The following GIGYF2 variants were observed in gnomAD, a reference collection of about 807,000 sequenced individuals.
The protein encoded by GIGYF2 is GRB10-interacting GYF protein 2.
Under a neutral mutation model 208.1 loss-of-function variants are expected in GIGYF2, and 25 were observed. The observed-to-expected ratio is 0.12, with a 90% CI of 0.09 to 0.17. The LOEUF (loss-of-function observed/expected upper bound fraction) is 0.17. Ranked by LOEUF, GIGYF2 falls within the 10% of genes least tolerant of loss-of-function variation. GIGYF2 has a pLI of 1.00. For missense variants in GIGYF2, 1,302 were observed against 1,579.4 expected, an observed-to-expected ratio of 0.82 and a Z score of 2.98; for synonymous variants, 534 against 543.8, an observed-to-expected ratio of 0.98 and a Z score of 0.25.
chr2:232,815,581 T>TA, intron 18 of GIGYF2, 56 bp from the exon 19 acceptor site: 1 of 931,350 alleles, frequency 1.1e-6, no homozygotes, highest in Admixed American at 1.7e-5. Flanking sequence ...CCTACGGATA[T>TA]GTCACCATGT....
chr2:232,850,599 A>G (rs1039931704), intron 28 of GIGYF2, among the ~76,000 whole-genome samples, 190 bp downstream of exon 28: 2 of 152,236 alleles, frequency 1.3e-5, no homozygotes, highest in Non-Finnish European at 2.9e-5. Context: ...CCTGTGCCTC[A>G]TGTAATAACA....
chr2:232,804,411 A>T, intron 14 of GIGYF2, among the ~76,000 whole-genome samples: 1 of 149,580 alleles, frequency 6.7e-6, no homozygotes, highest in Non-Finnish European at 1.5e-5. Flanking sequence ...GTGATAGTAA[A>T]TGAGCTCATT....
chr2:232,725,552 A>G (rs903896885), intron 2 of GIGYF2, among the ~76,000 whole-genome samples: 4 of 152,246 alleles, frequency 2.6e-5, no homozygotes, highest in African/African-American at 7.2e-5. Context: ...AAGCGAATAC[A>G]TATGAAGCAC....
At chr2:232,746,305 A>G (rs1698149347) in intron 3 of GIGYF2, among the ~76,000 whole-genome samples, 1 of 152,074 alleles carries the variant, frequency 6.6e-6, no homozygotes. Context: ...ATGTGCACAT[A>G]TTTACTGTGT....
chr2:232,826,892 C>T (rs1057476299), intron 21 of GIGYF2, among the ~76,000 whole-genome samples: 4 of 152,192 alleles, frequency 2.6e-5, no homozygotes, highest in Non-Finnish European at 4.4e-5. Context: ...CTTCAGCAAC[C>T]ACCACCCTGA....
At chr2:232,742,932 C>T (rs1698024629) in intron 3 of GIGYF2, among the ~76,000 whole-genome samples, 1 of 152,104 alleles carries the variant, frequency 6.6e-6, no homozygotes, top group East Asian at 1.9e-4. Flanking sequence ...GAAAGCCTGA[C>T]TATAGGAGAG....
rs764947294 is a variant in GIGYF2 at position 232,806,693 on chromosome 2, G to A, written c.1806+36G>A. 2 of 1,423,352 alleles carry A rather than the reference G, an allele frequency of 1.4e-6. No homozygotes were observed. Among genetic ancestry groups the A allele is most frequent in the South Asian group, 1.1e-5 (1 of 87,226 alleles). The allele number at this position is 1,423,352 out of a possible 1,614,324, so 88.2% of individuals were successfully genotyped here. A position where few individuals can be genotyped will look rare whatever the true frequency, so the allele number is the denominator to read the frequency against. On this transcript the variant is annotated intron_variant, in intron 15 of 28. Transcript: ENST00000373563. The surrounding 1 kb of genome is among the most constrained non-coding windows in gnomAD (Gnocchi z 4.0). ...TTCACCTCACCTGGAATACATATTA[G>A]TCACGGAAACACTTGATTCTCTTTG...
At chr2:232,783,639 A>G (rs115886610) in intron 8 of GIGYF2, among the ~76,000 whole-genome samples, 1,559 of 148,770 alleles carry the variant, frequency 0.01, 25 homozygotes, top group African/African-American at 0.036. Flanking sequence ...TATTTACACA[A>G]AATAATTTCT....
Position 232,729,979 on chromosome 2 carries a change from TCTTCACTCC to T in GIGYF2, c.-43-5175_-43-5167del, listed in dbSNP as rs1459701072. ...ACAGGACCATACTTGACCAAAGCCT[TCTTCACTCC>T]TGGAAGGCTGGCCTTTTCTTTTTCG... On this transcript the variant is annotated intron_variant, in intron 2 of 28. Transcript: ENST00000373563. 2.9e-5 allele frequency: 21 copies of T among 727,266 alleles called. No individual in the cohort carries two copies. In the East Asian group the frequency reaches 5.2e-4, roughly 18 times the overall value. The allele number at this position is 727,266 out of a possible 1,614,324, so 45.1% of individuals were successfully genotyped here.
At position 232,858,024 on chromosome 2, in the gene GIGYF2, G is replaced by A. The variant is rs960462064; in HGVS notation, c.*1164G>A. ...GGGCTGGAGGGGATGGGCGAAAATG[G>A]GAGCAGGAAGCCTGGCCTGGCTTCT... On this transcript the variant is annotated 3_prime_UTR_variant, in exon 29 of 29. Transcript: ENST00000373563. 2 of 165,694 alleles carry A rather than the reference G, an allele frequency of 1.2e-5. No individual in the cohort carries two copies. Among genetic ancestry groups the A allele is most frequent in the African/African-American group, 2.4e-5 (1 of 41,512 alleles). 10.3% of individuals were successfully genotyped at this position (165,694 alleles called of 1,614,324 possible). A position where few individuals can be genotyped will look rare whatever the true frequency, so the allele number is the denominator to read the frequency against.
chr2:232,721,264 C>A (rs991469503), intron 2 of GIGYF2, among the ~76,000 whole-genome samples: 11 of 152,248 alleles, frequency 7.2e-5, no homozygotes, highest in Admixed American at 7.2e-4. Flanking sequence ...GAAAGTCCAT[C>A]TGATCTTCAT....
chr2:232,742,772 C>A (rs1698017575), intron 3 of GIGYF2, among the ~76,000 whole-genome samples: 2 of 152,090 alleles, frequency 1.3e-5, no homozygotes, highest in Admixed American at 1.3e-4. Context: ...AAGTATGAAT[C>A]CCAGATTTTT....
chr2:232,780,208 C>T (rs1699665820), intron 8 of GIGYF2, among the ~76,000 whole-genome samples: 1 of 152,188 alleles, frequency 6.6e-6, no homozygotes, highest in African/African-American at 2.4e-5. Context: ...CCTTTTACTG[C>T]TCTTTCTCCT....
rs559960188 is a variant in GIGYF2 at position 232,766,128 on chromosome 2, A to G, written c.532+4692A>G. The G allele has an allele frequency of 7.7e-6, 3 of 388,558 alleles. No individual in the cohort carries two copies. The East Asian group carries it at 2.2e-4, about 29-fold the overall frequency. The allele number at this position is 388,558 out of a possible 1,614,324, so 24.1% of individuals were successfully genotyped here. ...CCTTAACCTAGAAACTGTGATTTGA[A>G]ATAAGTGAAAGAAACAATGAACAGT... On this transcript the variant is annotated intron_variant, in intron 8 of 28. Transcript: ENST00000373563.
In GIGYF2 at chr2:232,796,220, A is replaced by G; in HGVS notation, c.1638A>G (p.Gln546=). 1 of 1,588,484 alleles carries G rather than the reference A, an allele frequency of 6.3e-7. No individual in the cohort carries two copies. Among genetic ancestry groups the G allele is most frequent in the Non-Finnish European group, 8.6e-7 (1 of 1,156,564 alleles). ...ACAAAGATCCTCAGGGAGAAATTCA[A>G]GGCAAGTTGTTCCTTTTTCCTTTAA... The part of the protein sequence containing the change: ...WYYKDPQGEI[Q]GPFNNQEMAE... Residue 546 remains glutamine (Q), a splice_region_variant and synonymous_variant, in exon 14 of 29, where the codon CAA becomes CAG. Transcript: ENST00000373563.
At chr2:232,768,888 A>G (rs912138291) in intron 8 of GIGYF2, 74 of 1,284,678 alleles carry the variant, frequency 5.8e-5, no homozygotes, top group Non-Finnish European at 1.2e-5. Flanking sequence ...TGACAAGTGT[A>G]TATCAAATAT....
intron 2 of GIGYF2, among the ~76,000 whole-genome samples, chr2:232,704,963 A>T (rs943258279): frequency 7.0e-6 from 1 of 142,326 alleles, no homozygotes; most frequent in African/African-American, 2.6e-5. Flanking sequence ...GGGTTCACGC[A>T]ATTCTCCTGC....
intron 14 of GIGYF2, among the ~76,000 whole-genome samples, chr2:232,796,574 G>A (rs1035616290): frequency 6.6e-5 from 10 of 152,086 alleles, no homozygotes; most frequent in African/African-American, 2.4e-4. Flanking sequence ...AAAATAATTC[G>A]AATACAGCCT....
rs1294141484 is a variant in GIGYF2, at chr2:232,853,892, T to A, written c.3833-2901T>A. The stretch of plus-strand genomic sequence containing the variant: ...ATGAATGCATACCTTGCTGGTTTTT[T>A]AAATGACAGTTAAATGAGAATATGT... On this transcript the variant is annotated intron_variant, in intron 28 of 28. Transcript: ENST00000373563. 4.6e-5 allele frequency among the ~76,000 whole-genome samples: 7 copies of A among 152,360 alleles called. No homozygotes were observed. In the East Asian group the frequency reaches 7.7e-4, roughly 17 times the overall value.
Sources: gnomAD v4.1 joint callset for allele counts (sites outside exome capture counted in the v4.1 genomes callset) on GRCh38, gnomAD v4.1.1 for gene constraint, Gnocchi (gnomAD v3.1) non-coding constraint, MANE v1.5 for transcripts, NCBI Gene and HGNC (gene_info 2026-07-23, HGNC 2026-07-21) for gene names.